The following TLL1 variants were observed in gnomAD, a reference collection of about 807,000 sequenced individuals.
TLL1 encodes the protein tolloid-like protein 1.
Under a neutral mutation model 128.2 loss-of-function variants are expected in TLL1, and 49 were observed. That is an observed-to-expected ratio of 0.38 (90% confidence interval 0.30 to 0.48). The LOEUF (loss-of-function observed/expected upper bound fraction) is 0.48, where lower values mean the gene tolerates loss of function less well. Among genes scored for constraint, TLL1 ranks in the 20% least tolerant of loss-of-function variants. TLL1 has a pLI of 0.96. For missense variants in TLL1, 1,123 were observed against 1,242.0 expected (o/e 0.90, Z 1.44); for synonymous variants, 454 against 418.8 (o/e 1.08, Z -1.03).
intron 1 of TLL1, among the ~76,000 whole-genome samples, chr4:165,965,486 CTCTT>C (rs1436877251): frequency 2.6e-5 from 4 of 152,280 alleles, no homozygotes; most frequent in Admixed American, 1.3e-4. Context: ...GTCTTATTGA[CTCTT>C]TCTTAGCACA....
intron 1 of TLL1, among the ~76,000 whole-genome samples, chr4:165,976,034 C>CAAAAAAAAAAAAAAAA (rs1169297533): frequency 2.8e-5 from 2 of 72,098 alleles, no homozygotes; most frequent in Non-Finnish European, 5.1e-5. Flanking sequence ...GATTCCATCT[C>CAAAAAAAAAAAAAAAA]AAAAAAAAAA....
At chr4:165,886,936 A>T (rs1249020578) in intron 1 of TLL1, among the ~76,000 whole-genome samples, 1 of 152,164 alleles carries the variant, frequency 6.6e-6, no homozygotes. Context: ...TGGAGAAAAG[A>T]TGGGGCAAAA....
chr4:166,076,282 A>G (rs982211474), intron 17 of TLL1, among the ~76,000 whole-genome samples: 1 of 152,122 alleles, frequency 6.6e-6, no homozygotes, highest in African/African-American at 2.4e-5. Flanking sequence ...CATGTTGCCC[A>G]GGCTGCTCTT....
chr4:166,009,463 C>T (rs1318470572), intron 7 of TLL1, among the ~76,000 whole-genome samples: 3 of 151,292 alleles, frequency 2.0e-5, no homozygotes, highest in African/African-American at 7.3e-5. Context: ...ATACTTTTTT[C>T]CATGTTGCAT....
At chr4:165,914,232 A>G (rs1732677478) in intron 1 of TLL1, among the ~76,000 whole-genome samples, 2 of 152,094 alleles carry the variant, frequency 1.3e-5, no homozygotes, top group South Asian at 4.1e-4. Flanking sequence ...TGGTTTATTT[A>G]TCCATCGCTA....
intron 19 of TLL1, among the ~76,000 whole-genome samples, chr4:166,096,235 G>GTGTGTA (rs1456399000): frequency 2.0e-5 from 3 of 148,736 alleles, no homozygotes; most frequent in African/African-American, 7.8e-5. Context: ...GTGTGTGTGT[G>GTGTGTA]TGTGTGTGTC....
At chr4:165,931,481 G>A (rs1733511863) in intron 1 of TLL1, among the ~76,000 whole-genome samples, 1 of 152,030 alleles carries the variant, frequency 6.6e-6, no homozygotes, top group Non-Finnish European at 1.5e-5. Context: ...CACTTTGGGA[G>A]GCCAAGGCGG....
chr4:165,956,700 C>T (rs951356321), intron 1 of TLL1, among the ~76,000 whole-genome samples: 5 of 151,962 alleles, frequency 3.3e-5, no homozygotes, highest in Admixed American at 1.3e-4. Context: ...TCACAGTGGT[C>T]CTGAGGTGAT....
chr4:166,099,424 C>T lies in TLL1; in HGVS notation c.2804C>T (p.Thr935Ile), dbSNP rs1382741811. The T allele has an allele frequency of 1.1e-5, 17 of 1,613,392 alleles. No individual in the cohort carries two copies. Among genetic ancestry groups the T allele is most frequent in the Non-Finnish European group, 1.4e-5 (16 of 1,179,664 alleles). The change falls in exon 20 of 21, where the codon ACA becomes ATA. Residue 935 changes from threonine (T) to isoleucine (I), a missense_variant. This residue lies in a region of TLL1 where 634 missense variants were observed against 672.4 expected (regional missense o/e 0.94). Transcript: ENST00000061240. ...TCTCGACTTGAATTATCCTTCCAGA[C>T]ATTTGAAGTGGAGGAAGAAGCAGAC... is the stretch of plus-strand genomic sequence containing the variant. The part of the protein sequence containing the change: ...RGSRLELSFQ[T>I]FEVEEEADCG...
intron 8 of TLL1, among the ~76,000 whole-genome samples, chr4:166,018,597 C>A (rs1227249958): frequency 6.6e-6 from 1 of 152,010 alleles, no homozygotes; most frequent in Non-Finnish European, 1.5e-5. Flanking sequence ...AGAACTTAAA[C>A]CAATCAACAA....
chr4:166,082,026 C>G (rs906379442), intron 18 of TLL1, among the ~76,000 whole-genome samples: 2 of 152,134 alleles, frequency 1.3e-5, no homozygotes, highest in Non-Finnish European at 2.9e-5. Flanking sequence ...ATGGTCATAC[C>G]TGCTGGTATC....
rs187617888 is a variant in TLL1 at position 166,016,595 on chromosome 4, T to G, written c.1042+2035T>G. 3.9e-5 allele frequency among the ~76,000 whole-genome samples: 6 copies of G among 152,160 alleles called. No individual in the cohort carries two copies. The East Asian group carries it at 1.2e-3, about 29-fold the overall frequency. On this transcript the variant is annotated intron_variant, in intron 8 of 20. Transcript: ENST00000061240. ...TTAGATTTCAATTGTGTAAAATACA[T>G]TAATGGGCCATTTTCTTACCTGAAA...
intron 1 of TLL1, among the ~76,000 whole-genome samples, chr4:165,899,661 A>G (rs1016518479): frequency 1.3e-5 from 2 of 152,180 alleles, no homozygotes; most frequent in African/African-American, 4.8e-5. Context: ...CAATTTTAGA[A>G]TAAGTGTGAT....
At chr4:166,026,956 G>T (rs892063933) in intron 9 of TLL1, among the ~76,000 whole-genome samples, 1 of 152,110 alleles carries the variant, frequency 6.6e-6, no homozygotes, top group African/African-American at 2.4e-5. Flanking sequence ...AAATTAAAAA[G>T]TATTCACAAT....
At chr4:166,088,445 A>T (rs1741618976) in intron 18 of TLL1, among the ~76,000 whole-genome samples, 1 of 152,166 alleles carries the variant, frequency 6.6e-6, no homozygotes, top group Non-Finnish European at 1.5e-5. Context: ...GTCACTGTGT[A>T]TGGAAGGTTC....
intron 1 of TLL1, among the ~76,000 whole-genome samples, chr4:165,879,361 T>C (rs1730880642): frequency 6.6e-6 from 1 of 152,178 alleles, no homozygotes; most frequent in African/African-American, 2.4e-5. Flanking sequence ...AGCAAATTTC[T>C]CTCATGTGAA....
intron 1 of TLL1, among the ~76,000 whole-genome samples, chr4:165,936,256 G>C (rs1159067504): frequency 8.3e-6 from 1 of 121,008 alleles, no homozygotes; most frequent in African/African-American, 3.3e-5. Flanking sequence ...GTCACACTCT[G>C]TTGTCCAGGA....
At chr4:165,971,121 A>G (rs2110977776) in intron 1 of TLL1, among the ~76,000 whole-genome samples, 1 of 152,366 alleles carries the variant, frequency 6.6e-6, no homozygotes, top group Middle Eastern at 3.4e-3. Flanking sequence ...TTAAGTGATT[A>G]TAATTATTCT....
chr4:165,967,676 G>T (rs1469956113), intron 1 of TLL1, among the ~76,000 whole-genome samples: 1 of 152,170 alleles, frequency 6.6e-6, no homozygotes, highest in East Asian at 1.9e-4. Context: ...CTACTAATTA[G>T]TTCAGCTCAG....
Sources: allele counts gnomAD v4.1 joint callset (sites outside exome capture counted in the v4.1 genomes callset), GRCh38; gene constraint gnomAD v4.1.1; regional missense constraint gnomAD v4.1.1; transcripts MANE v1.5; gene names NCBI Gene and HGNC (gene_info 2026-07-23, HGNC 2026-07-21).